TLK1: variants seen among roughly 807,000 people sequenced by gnomAD.
TLK1 encodes tousled like kinase 1.
In TLK1, 24 loss-of-function variants were observed where a neutral mutation model predicts 105.3. The observed-to-expected ratio is 0.23, with a 90% confidence interval of 0.17 to 0.32. TLK1 has a LOEUF of 0.32. Among genes scored for constraint, TLK1 ranks in the 10% least tolerant of loss-of-function variants. TLK1 has a pLI of 1.00. For missense variants in TLK1, 558 were observed against 910.5 expected (o/e 0.61, Z 4.98); for synonymous variants, 321 against 310.4 (o/e 1.03, Z -0.36).
intron 4 of TLK1, 54 bp from the exon 5 acceptor site, chr2:171,058,251 AT>A (rs1203482432): frequency 6.6e-7 from 1 of 1,505,166 alleles, no homozygotes; most frequent in African/African-American, 1.4e-5. Context: ...CATCAAAAAA[AT>A]ATTAAGAGTC....
intron 1 of TLK1, among the ~76,000 whole-genome samples, chr2:171,200,361 T>G (rs768779947): frequency 6.6e-6 from 1 of 152,212 alleles, no homozygotes; most frequent in Non-Finnish European, 1.5e-5. Flanking sequence ...TTTTGGTCTG[T>G]GCAACAACAA....
chr2:171,094,488 T>C (rs1689371361), intron 2 of TLK1, among the ~76,000 whole-genome samples: 1 of 152,152 alleles, frequency 6.6e-6, no homozygotes, highest in Non-Finnish European at 1.5e-5. Flanking sequence ...TATAAACTAC[T>C]GAGATACTAC....
At position 171,006,785 on chromosome 2, in the gene TLK1, T is replaced by C; in HGVS notation, c.1598+15A>G. The C allele has an allele frequency of 6.2e-7, 1 of 1,609,512 alleles. No homozygotes were observed. The highest frequency in any genetic ancestry group is 8.5e-7 in the Non-Finnish European group (1 of 1,176,380). On this transcript the variant is annotated intron_variant, in intron 16 of 20. Coordinates refer to ENST00000431350, the MANE Select transcript of TLK1 (RefSeq NM_012290.5). ...CATATCTTTCCTTAAAAATTGAACC[T>C]TAATATTCACTTACGTATCTGTATC...
At chr2:171,065,135 T>C (rs1687929574) in intron 3 of TLK1, among the ~76,000 whole-genome samples, 1 of 152,140 alleles carries the variant, frequency 6.6e-6, no homozygotes, top group African/African-American at 2.4e-5. Context: ...ATATGAATTA[T>C]TCCATGAAAA....
chr2:171,172,256 G>C (rs1692744388), intron 1 of TLK1, among the ~76,000 whole-genome samples: 1 of 152,174 alleles, frequency 6.6e-6, no homozygotes, highest in South Asian at 2.1e-4. Flanking sequence ...GGTTACCCTT[G>C]AGAGGATAGG....
intron 1 of TLK1, among the ~76,000 whole-genome samples, chr2:171,196,001 G>A (rs1409406973): frequency 1.6e-5 from 2 of 125,528 alleles, no homozygotes; most frequent in African/African-American, 6.0e-5. Flanking sequence ...TTGCACCAGT[G>A]CACTCCAGCC....
chr2:171,060,943 T>C, intron 4 of TLK1, 138 bp downstream of exon 4: 1 of 751,282 alleles, frequency 1.3e-6, no homozygotes, highest in Non-Finnish European at 2.1e-6. Context: ...AAAGCAATCA[T>C]TATACACTAA....
intron 2 of TLK1, among the ~76,000 whole-genome samples, chr2:171,095,809 C>A (rs1689429265): frequency 6.6e-6 from 1 of 151,008 alleles, no homozygotes; most frequent in Non-Finnish European, 1.5e-5. Flanking sequence ...AAAAAAAAAA[C>A]TTTCAACATC....
At chr2:171,082,132 A>C (rs1688783766) in intron 3 of TLK1, among the ~76,000 whole-genome samples, 1 of 152,126 alleles carries the variant, frequency 6.6e-6, no homozygotes, top group Non-Finnish European at 1.5e-5. Context: ...TCAACAAATG[A>C]ATGCTAAAAC....
intron 1 of TLK1, among the ~76,000 whole-genome samples, chr2:171,188,686 A>G (rs116412261): frequency 0.012 from 1,757 of 148,858 alleles, 19 homozygotes; most frequent in Non-Finnish European, 0.018. Context: ...CAGCCCAGCA[A>G]CAGTGCAAGA....
chr2:171,145,183 A>G (rs565654252), intron 1 of TLK1, among the ~76,000 whole-genome samples: 2 of 152,114 alleles, frequency 1.3e-5, no homozygotes, highest in South Asian at 2.1e-4. Context: ...AGATGCACGC[A>G]TGTAGTCCTA....
intron 1 of TLK1, among the ~76,000 whole-genome samples, chr2:171,184,492 A>G (rs1007340371): frequency 3.9e-5 from 6 of 151,992 alleles, no homozygotes; most frequent in Admixed American, 3.3e-4. Flanking sequence ...AAAATACAAA[A>G]TTAGCTGGGT....
chr2:171,029,317 T>C (rs900342739), intron 11 of TLK1, among the ~76,000 whole-genome samples: 1 of 152,100 alleles, frequency 6.6e-6, no homozygotes, highest in Non-Finnish European at 1.5e-5. Flanking sequence ...GATAAAAAAA[T>C]GCTAAAACTT....
chr2:171,118,607 T>C (rs548344621), intron 1 of TLK1, among the ~76,000 whole-genome samples: 3 of 152,324 alleles, frequency 2.0e-5, no homozygotes, highest in Admixed American at 2.0e-4. Flanking sequence ...GTTATTGTTA[T>C]TATGCAGACT....
chr2:171,013,318 C>CCT (rs1553604567), intron 13 of TLK1, among the ~76,000 whole-genome samples: 4 of 74,138 alleles, frequency 5.4e-5, no homozygotes, highest in African/African-American at 2.2e-4. Context: ...TGGCCCCTCA[C>CCT]TTTTTTTTTT....
intron 11 of TLK1, among the ~76,000 whole-genome samples, chr2:171,034,341 C>T (rs1412362216): frequency 6.6e-6 from 1 of 152,030 alleles, no homozygotes; most frequent in Admixed American, 6.5e-5. Context: ...TGGAAACAAC[C>T]TAAATGTCCA....
chr2:171,176,219 T>C (rs1245236563), intron 1 of TLK1, among the ~76,000 whole-genome samples: 1 of 152,096 alleles, frequency 6.6e-6, no homozygotes, highest in Admixed American at 6.5e-5. Flanking sequence ...GGATCACAGG[T>C]GTGAGCCACT....
chr2:170,997,144 C>T (rs969935029), intron 19 of TLK1, among the ~76,000 whole-genome samples: 2 of 152,118 alleles, frequency 1.3e-5, no homozygotes, highest in Non-Finnish European at 2.9e-5. Flanking sequence ...GCATCACAGG[C>T]GAATTTAAAT....
rs1014366312 is a variant in TLK1 at position 171,156,002 on chromosome 2, T to C, written c.139+4288A>G. ...GTCTCCCAACCGTTAGTCTCTTCTT[T>C]AAATGTATCTTCCATAGACTTCCTG... On this transcript the variant is annotated intron_variant, in intron 1 of 20. Transcript: ENST00000431350. Among the ~76,000 whole-genome samples, 3 of 152,210 alleles carry C rather than the reference T, an allele frequency of 2.0e-5. No individual in the cohort carries two copies. The East Asian group carries it at 5.8e-4, about 29-fold the overall frequency.
Sources: allele counts gnomAD v4.1 joint callset (sites outside exome capture counted in the v4.1 genomes callset), GRCh38; gene constraint gnomAD v4.1.1; transcripts MANE v1.5; gene names NCBI Gene and HGNC (gene_info 2026-07-23, HGNC 2026-07-21).